PRKN: variants seen among roughly 807,000 people sequenced by gnomAD.
PRKN encodes the protein parkin RBR E3 ubiquitin protein ligase, also known as E3 ubiquitin-protein ligase parkin.
Under a neutral mutation model 59.5 loss-of-function variants are expected in PRKN, and 56 were observed. The observed-to-expected ratio is 0.94, with a 90% CI of 0.76 to 1.18. The LOEUF is 1.18. Ranked by LOEUF, PRKN falls within the 50% of genes most tolerant of loss-of-function variation. The pLI, the probability that PRKN is intolerant of heterozygous loss-of-function variation, is 0.00. For missense variants in PRKN, 657 were observed against 596.4 expected, an observed-to-expected ratio of 1.10 and a Z score of -1.06; for synonymous variants, 250 against 222.1, an observed-to-expected ratio of 1.13 and a Z score of -1.12.
At chr6:162,458,633 C>A (rs1791018242) in intron 1 of PRKN, among the ~76,000 whole-genome samples, 1 of 127,792 alleles carries the variant, frequency 7.8e-6, no homozygotes, top group Admixed American at 8.4e-5. Context: ...TTAGTCCTAG[C>A]TTTTTGTTGC....
At chr6:162,138,412 G>T (rs1425248637) in intron 4 of PRKN, among the ~76,000 whole-genome samples, 1 of 152,126 alleles carries the variant, frequency 6.6e-6, no homozygotes, top group East Asian at 1.9e-4. Context: ...ATGTCGACTA[G>T]CTCAACTGTT....
intron 2 of PRKN, among the ~76,000 whole-genome samples, chr6:162,302,963 T>TACACACAC (rs71004084): frequency 0.066 from 9,265 of 139,426 alleles, 356 homozygotes; most frequent in Non-Finnish European, 0.082. Context: ...GCCTTAAACA[T>TACACACAC]ACACACACAC....
At chr6:161,999,480 C>A (rs1277511287) in intron 5 of PRKN, among the ~76,000 whole-genome samples, 1 of 152,096 alleles carries the variant, frequency 6.6e-6, no homozygotes, top group Non-Finnish European at 1.5e-5. Context: ...AGCAGTGAAT[C>A]CCCATCTATG....
chr6:161,899,292 C>T (rs1474741011), intron 6 of PRKN, among the ~76,000 whole-genome samples: 2 of 152,190 alleles, frequency 1.3e-5, no homozygotes, highest in African/African-American at 2.4e-5. Flanking sequence ...ATGAGAATTA[C>T]AAAATGTTAT....
chr6:161,657,114 T>C (rs989780165), intron 7 of PRKN, among the ~76,000 whole-genome samples: 2 of 152,200 alleles, frequency 1.3e-5, no homozygotes, highest in Admixed American at 1.3e-4. Flanking sequence ...AACAGTTCTT[T>C]ATTATCATTC....
chr6:162,297,182 T>TTTTG (rs1781720049), intron 2 of PRKN, among the ~76,000 whole-genome samples: 1 of 151,664 alleles, frequency 6.6e-6, no homozygotes. Flanking sequence ...TTCTTTTTTT[T>TTTTG]TTTTTTTGTA....
At chr6:161,970,022 G>A (rs1244283615) in intron 6 of PRKN, among the ~76,000 whole-genome samples, 2 of 151,986 alleles carry the variant, frequency 1.3e-5, no homozygotes, top group Non-Finnish European at 2.9e-5. Flanking sequence ...TGTTTTCATG[G>A]CAGAGAAAAT....
rs568668830 is a variant in PRKN at position 162,666,803 on chromosome 6, T to C, written c.7+60859A>G. On this transcript the variant is annotated intron_variant, in intron 1 of 11. Transcript: ENST00000366898. ...TTCTTGGTACTATGAGCTACCTTGG[T>C]ATCTATAACCTGCATATTAAAATTT... Among the ~76,000 whole-genome samples the C allele has an allele frequency of 2.4e-4, 36 of 152,194 alleles. No homozygotes were observed. The South Asian group carries it at 7.2e-3, about 31-fold the overall frequency.
chr6:162,539,321 A>T (rs1015403799), intron 1 of PRKN, among the ~76,000 whole-genome samples: 47 of 152,212 alleles, frequency 3.1e-4, no homozygotes, highest in African/African-American at 1.1e-3. Context: ...AATTAGACAC[A>T]TGGGTAAATT....
In PRKN at chr6:161,488,059, TGAA is replaced by T. The variant is rs1777393702; in HGVS notation, c.1083+60792_1083+60794del. ...TGTAATTCCAGTTAGTGGTAAGTGA[TGAA>T]GAAAGCAGGGCTGGCTTACAGGGTG... On this transcript the variant is annotated intron_variant, in intron 9 of 11. Transcript: ENST00000366898. The surrounding 1 kb of genome is among the most constrained non-coding windows in gnomAD (Gnocchi z 4.5). Among the ~76,000 whole-genome samples, 1 of 152,130 alleles carries T rather than the reference TGAA, an allele frequency of 6.6e-6. No homozygotes were observed. The highest frequency in any genetic ancestry group is 1.5e-5 in the Non-Finnish European group (1 of 68,022).
chr6:162,463,825 C>A (rs960039692), intron 1 of PRKN, among the ~76,000 whole-genome samples: 3 of 152,154 alleles, frequency 2.0e-5, no homozygotes, highest in African/African-American at 7.2e-5. Flanking sequence ...TGTGAGCAGC[C>A]TGCAAGAGGG....
rs1201656533 is a variant in PRKN, at chr6:161,423,757, C to T, written c.1084-36880G>A. Among the ~76,000 whole-genome samples the T allele has an allele frequency of 1.3e-5, 2 of 152,194 alleles. No homozygotes were observed. The highest frequency in any genetic ancestry group is 2.9e-5 in the Non-Finnish European group (2 of 68,038). On this transcript the variant is annotated intron_variant, in intron 9 of 11. Transcript: ENST00000366898. The surrounding 1 kb of genome is among the most constrained non-coding windows in gnomAD (Gnocchi z 5.9). Reference sequence around the variant, plus strand: ...TGGTCTCATAGGCTACACACAACCACTATCATCTTTCTCCACCATTTGTCT... The same window carrying T: ...TGGTCTCATAGGCTACACACAACCATTATCATCTTTCTCCACCATTTGTCT...
chr6:162,495,130 C>A (rs928860839), intron 1 of PRKN, among the ~76,000 whole-genome samples: 8 of 152,172 alleles, frequency 5.3e-5, no homozygotes, highest in African/African-American at 1.9e-4. Flanking sequence ...ACTTGGTGAA[C>A]TGAAAGCCTA....
chr6:161,532,722 C>G (rs73593412), intron 9 of PRKN, among the ~76,000 whole-genome samples: 2,661 of 152,220 alleles, frequency 0.017, 74 homozygotes, highest in African/African-American at 0.061. Flanking sequence ...ATGTCATGGT[C>G]AGAAGGTCTT....
intron 7 of PRKN, among the ~76,000 whole-genome samples, chr6:161,767,933 T>C (rs1362612131): frequency 6.6e-6 from 1 of 152,200 alleles, no homozygotes; most frequent in African/African-American, 2.4e-5. Context: ...ATGGCATTCC[T>C]GAAAATGAAA....
chr6:161,653,776 T>A (rs996349237), intron 7 of PRKN, among the ~76,000 whole-genome samples: 1 of 152,204 alleles, frequency 6.6e-6, no homozygotes, highest in African/African-American at 2.4e-5. Flanking sequence ...GAGAGCACAT[T>A]TAAGGGTAAG....
In PRKN at chr6:162,718,350, A is replaced by G. The variant is rs191992365; in HGVS notation, c.7+9312T>C. Among the ~76,000 whole-genome samples the G allele has an allele frequency of 3.4e-3, 514 of 152,282 alleles. 1 individual carries two copies. The highest frequency in any genetic ancestry group is 8.5e-3 in the African/African-American group (352 of 41,554). On this transcript the variant is annotated intron_variant, in intron 1 of 11. Transcript: ENST00000366898. ...GAAGGGACTTTTAATGAATTTACACACTAAGAATTGTGACAACTATGTCTT... is the reference window on the plus strand; with the variant it reads ...GAAGGGACTTTTAATGAATTTACACGCTAAGAATTGTGACAACTATGTCTT...
chr6:162,623,394 A>C (rs1322822172), intron 1 of PRKN, among the ~76,000 whole-genome samples: 1 of 152,210 alleles, frequency 6.6e-6, no homozygotes, highest in Admixed American at 6.5e-5. Context: ...ACATTGCTAC[A>C]TTAAACGCTC....
rs905079303 is a variant in PRKN, at chr6:161,400,861, A to G, written c.1084-13984T>C. Among the ~76,000 whole-genome samples the G allele has an allele frequency of 6.6e-6, 1 of 152,202 alleles. No homozygotes were observed. The highest frequency in any genetic ancestry group is 6.5e-5 in the Admixed American group (1 of 15,290). On this transcript the variant is annotated intron_variant, in intron 9 of 11. Coordinates refer to ENST00000366898, the MANE Select transcript of PRKN (RefSeq NM_004562.3). The surrounding 1 kb of genome is among the most constrained non-coding windows in gnomAD (Gnocchi z 4.2). ...GTCATTTGTTAAAGAAAGCCAGAGA[A>G]TAAGAACTGTCCTGGGTTATCGCTA...
Sources: allele counts gnomAD v4.1 joint callset (sites outside exome capture counted in the v4.1 genomes callset), GRCh38; gene constraint gnomAD v4.1.1; non-coding constraint Gnocchi (gnomAD v3.1); transcripts MANE v1.5; gene names NCBI Gene and HGNC (gene_info 2026-07-23, HGNC 2026-07-21).